ADAMTSL1: variants seen among roughly 807,000 people sequenced by gnomAD.
The protein encoded by ADAMTSL1 is ADAMTS-like protein 1.
Under a neutral mutation model 201.8 loss-of-function variants are expected in ADAMTSL1, and 126 were observed. The ratio of observed to expected loss-of-function variants is 0.62; its 90% CI spans 0.54 to 0.72. ADAMTSL1 has a LOEUF of 0.72. Among genes scored for constraint, ADAMTSL1 ranks in the 30% least tolerant of loss-of-function variants. The pLI is 0.00. For missense variants in ADAMTSL1, 2,679 were observed against 2,277.8 expected (o/e 1.18, Z -3.59); for synonymous variants, 1,121 against 903.4 (o/e 1.24, Z -4.32).
intron 1 of ADAMTSL1, among the ~76,000 whole-genome samples, chr9:18,026,434 T>C (rs927535293): frequency 3.9e-5 from 6 of 152,036 alleles, no homozygotes; most frequent in African/African-American, 1.4e-4. Context: ...TGGATTTTAT[T>C]GAAAGCTTTT....
At chr9:18,845,556 G>A (rs79722817) in intron 23 of ADAMTSL1, among the ~76,000 whole-genome samples, 3,389 of 152,298 alleles carry the variant, frequency 0.022, 128 homozygotes, top group African/African-American at 0.077. Flanking sequence ...GCAAAGCCTG[G>A]CAGTGAGGCC....
At chr9:18,363,533 T>G (rs1328410185) in intron 2 of ADAMTSL1, among the ~76,000 whole-genome samples, 2 of 152,250 alleles carry the variant, frequency 1.3e-5, no homozygotes, top group Admixed American at 6.5e-5. Flanking sequence ...TTGTTCATTC[T>G]TAAAATAGGA....
intron 26 of ADAMTSL1, among the ~76,000 whole-genome samples, chr9:18,902,354 T>G (rs908470485): frequency 3.1e-4 from 47 of 152,190 alleles, no homozygotes; most frequent in African/African-American, 1.1e-3. Flanking sequence ...GGACTATATG[T>G]TATGCCAAAA....
At position 18,260,533 on chromosome 9, in the gene ADAMTSL1, T is replaced by C. The variant is rs114745636; in HGVS notation, c.207+96552T>C. On this transcript the variant is annotated intron_variant, in intron 2 of 29. Transcript: ENST00000680146. ...GATCCTCCACGGTGCCTGCCCATCCTCCCACCAGTCAGGCTCACCATTGGC... is the reference window on the plus strand; with the variant it reads ...GATCCTCCACGGTGCCTGCCCATCCCCCCACCAGTCAGGCTCACCATTGGC... Among the ~76,000 whole-genome samples, 1,353 of 152,284 alleles carry C rather than the reference T, an allele frequency of 8.9e-3. 26 individuals are homozygous for C. Among genetic ancestry groups the C allele is most frequent in the African/African-American group, 0.031 (1,293 of 41,544 alleles).
intron 2 of ADAMTSL1, among the ~76,000 whole-genome samples, chr9:18,287,098 G>T (rs1016389083): frequency 2.0e-5 from 3 of 152,138 alleles, no homozygotes; most frequent in African/African-American, 7.2e-5. Flanking sequence ...AACTGTGGTT[G>T]TACCTCCTGC....
At chr9:18,026,127 T>C (rs1210910028) in intron 1 of ADAMTSL1, among the ~76,000 whole-genome samples, 2 of 152,064 alleles carry the variant, frequency 1.3e-5, no homozygotes, top group African/African-American at 4.8e-5. Flanking sequence ...TTTAGAGTTT[T>C]CTAGGTGTGG....
At chr9:18,707,101 C>T in intron 14 of ADAMTSL1, 53 bp downstream of exon 14, 1 of 1,570,336 alleles carries the variant, frequency 6.4e-7, no homozygotes, top group Non-Finnish European at 8.6e-7. Context: ...CTCATTTTCT[C>T]TCTCTGCATG....
chr9:18,232,011 G>C (rs994032678), intron 2 of ADAMTSL1, among the ~76,000 whole-genome samples: 25 of 152,180 alleles, frequency 1.6e-4, no homozygotes, highest in Non-Finnish European at 2.4e-4. Flanking sequence ...CAGCCAGAGT[G>C]TAACAGAGAG....
At chr9:18,022,003 A>G (rs1820497210) in intron 1 of ADAMTSL1, among the ~76,000 whole-genome samples, 1 of 152,144 alleles carries the variant, frequency 6.6e-6, no homozygotes, top group African/African-American at 2.4e-5. Flanking sequence ...GATAAAAGGC[A>G]TGAGGAGGGT....
intron 1 of ADAMTSL1, among the ~76,000 whole-genome samples, chr9:18,004,281 G>A (rs1819727085): frequency 1.3e-5 from 2 of 152,020 alleles, no homozygotes; most frequent in African/African-American, 4.8e-5. Context: ...ACAGGAAGGA[G>A]ACCAGTGAAA....
chr9:18,452,476 C>T (rs1472827895), intron 2 of ADAMTSL1, among the ~76,000 whole-genome samples: 1 of 152,158 alleles, frequency 6.6e-6, no homozygotes, highest in East Asian at 1.9e-4. Flanking sequence ...TTTCAAAAGT[C>T]TTAACTTACT....
At chr9:18,882,293 C>A (rs1458201541) in intron 23 of ADAMTSL1, among the ~76,000 whole-genome samples, 6 of 152,096 alleles carry the variant, frequency 3.9e-5, no homozygotes, top group Non-Finnish European at 5.9e-5. Context: ...CAGGGCTGAC[C>A]AAACAGGATT....
intron 1 of ADAMTSL1, among the ~76,000 whole-genome samples, chr9:18,060,001 A>C (rs1231457403): frequency 2.6e-5 from 4 of 152,220 alleles, no homozygotes; most frequent in African/African-American, 9.6e-5. Flanking sequence ...TAAGAGGTAC[A>C]AAATAGTAGA....
chr9:18,047,746 T>TA (rs1412200701), intron 1 of ADAMTSL1, among the ~76,000 whole-genome samples: 1 of 152,072 alleles, frequency 6.6e-6, no homozygotes, highest in Non-Finnish European at 1.5e-5. Context: ...CAAAGAAGAA[T>TA]AAAAAAATGA....
chr9:18,718,364 G>A (rs549951981), intron 14 of ADAMTSL1: 1 of 725,362 alleles, frequency 1.4e-6, no homozygotes, highest in East Asian at 2.9e-5. Context: ...CAGTATCCAA[G>A]ATTGCAAGCA....
intron 16 of ADAMTSL1, among the ~76,000 whole-genome samples, chr9:18,762,964 A>T (rs1211603165): frequency 1.3e-5 from 2 of 152,202 alleles, no homozygotes; most frequent in Non-Finnish European, 2.9e-5. Context: ...ACTGCAACAA[A>T]CACAGTAGAG....
chr9:18,490,363 G>T (rs1018095568), intron 1 of ADAMTSL1, among the ~76,000 whole-genome samples: 4 of 152,026 alleles, frequency 2.6e-5, no homozygotes, highest in African/African-American at 9.7e-5. Flanking sequence ...GGGATGAGGA[G>T]GAAGACAGAG....
intron 2 of ADAMTSL1, among the ~76,000 whole-genome samples, chr9:18,519,732 C>G (rs10810976): frequency 6.6e-6 from 1 of 152,068 alleles, no homozygotes; most frequent in Admixed American, 6.5e-5. Flanking sequence ...ATACAAAAAG[C>G]GTGTTAACCA....
At chr9:18,671,860 A>AC (rs1241775894) in intron 9 of ADAMTSL1, among the ~76,000 whole-genome samples, 2 of 152,062 alleles carry the variant, frequency 1.3e-5, no homozygotes, top group African/African-American at 2.4e-5. Context: ...ACAAGGTGAA[A>AC]CCCCATCTCT....
Sources: gnomAD v4.1 joint callset for allele counts (sites outside exome capture counted in the v4.1 genomes callset) on GRCh38, gnomAD v4.1.1 for gene constraint, MANE v1.5 for transcripts, NCBI Gene and HGNC (gene_info 2026-07-23, HGNC 2026-07-21) for gene names.